PKIB: variants seen among roughly 807,000 people sequenced by gnomAD.
PKIB encodes cAMP-dependent protein kinase inhibitor beta.
A neutral mutation model predicts 4.5 loss-of-function variants in PKIB; 2 were observed. That is an observed-to-expected ratio of 0.44 (90% confidence interval 0.18 to 1.39). PKIB has a LOEUF of 1.39. PKIB is among the 40% of genes most tolerant of loss of function. The pLI, the probability that PKIB is intolerant of heterozygous loss-of-function variation, is 0.27. For synonymous variants in PKIB, 38 were observed against 36.0 expected (o/e 1.06, Z -0.20); for missense variants, 94 against 92.6 (o/e 1.02, Z -0.06).
intron 2 of PKIB, among the ~76,000 whole-genome samples, chr6:122,575,113 G>A (rs1254959210): frequency 6.6e-6 from 1 of 152,078 alleles, no homozygotes; most frequent in African/African-American, 2.4e-5. Flanking sequence ...TTTTTCAAAC[G>A]AAGATACACA....
intron 3 of PKIB, among the ~76,000 whole-genome samples, chr6:122,693,464 A>G (rs1337443923): frequency 1.3e-5 from 2 of 152,266 alleles, no homozygotes; most frequent in Non-Finnish European, 2.9e-5. Context: ...AGCATCCTTA[A>G]TCAAATGTCA....
At chr6:122,572,114 A>G (rs1773383798) in intron 2 of PKIB, among the ~76,000 whole-genome samples, 1 of 152,180 alleles carries the variant, frequency 6.6e-6, no homozygotes, top group South Asian at 2.1e-4. Context: ...TATTCCACTC[A>G]AATGGAAACT....
chr6:122,586,056 G>T (rs1383072137), intron 3 of PKIB: 1 of 152,082 alleles, frequency 6.6e-6, no homozygotes, highest in African/African-American at 2.4e-5. Context: ...TATGTGCCTA[G>T]CAGCTAATAG....
At chr6:122,698,782 T>A (rs1176771852) in intron 3 of PKIB, among the ~76,000 whole-genome samples, 1 of 152,110 alleles carries the variant, frequency 6.6e-6, no homozygotes, top group African/African-American at 2.4e-5. Flanking sequence ...TGCAAAAGAA[T>A]ATGTTGTCTC....
chr6:122,718,085 C>A, intron 4 of PKIB, 122 bp downstream of exon 4: 7 of 1,000,166 alleles, frequency 7.0e-6, no homozygotes, highest in Non-Finnish European at 1.0e-5. Context: ...TTTACTTAAA[C>A]CTCTCAGCTT....
chr6:122,607,607 C>T (rs1396425716), upstream of PKIB, among the ~76,000 whole-genome samples: 1 of 152,194 alleles, frequency 6.6e-6, no homozygotes, highest in Non-Finnish European at 1.5e-5. Context: ...ACTACTCTGA[C>T]CTTGGAGAAT....
At position 122,525,534 on chromosome 6, in the gene PKIB, C is replaced by G. The variant is rs181822668; in HGVS notation, c.-248+47595C>G. On this transcript the variant is annotated intron_variant, in intron 2 of 6. Transcript: ENST00000392491. ...CTTGGAGATATTGTGGGTTCAATCA[C>G]AGACCACAAGATCACAACGAAGCAA... is the stretch of plus-strand genomic sequence containing the variant. 5.3e-3 allele frequency among the ~76,000 whole-genome samples: 810 copies of G among 152,266 alleles called. 7 individuals carry two copies. Among genetic ancestry groups the G allele is most frequent in the African/African-American group, 0.018 (760 of 41,546 alleles).
intron 3 of PKIB, among the ~76,000 whole-genome samples, chr6:122,696,988 C>G (rs543592529): frequency 1.2e-4 from 18 of 152,248 alleles, no homozygotes; most frequent in African/African-American, 4.3e-4. Flanking sequence ...GAGATGAGAC[C>G]AACAGCAAGT....
chr6:122,601,025 A>G (rs1774347423), intron 3 of PKIB, among the ~76,000 whole-genome samples: 1 of 152,036 alleles, frequency 6.6e-6, no homozygotes, highest in South Asian at 2.1e-4. Flanking sequence ...TAATGAATGC[A>G]TTGTATAAAC....
intron 3 of PKIB, among the ~76,000 whole-genome samples, chr6:122,698,492 A>G (rs1387264950): frequency 2.0e-5 from 3 of 152,186 alleles, no homozygotes; most frequent in African/African-American, 7.2e-5. Context: ...TATTTCCAGA[A>G]AAGCCCAGTG....
chr6:122,496,301 T>C (rs536516990), intron 2 of PKIB, among the ~76,000 whole-genome samples: 34 of 152,234 alleles, frequency 2.2e-4, no homozygotes, highest in African/African-American at 8.2e-4. Context: ...TTGAAAGAAC[T>C]AGTATAAGAA....
At chr6:122,712,301 C>T (rs1207367374) in intron 3 of PKIB, among the ~76,000 whole-genome samples, 2 of 152,090 alleles carry the variant, frequency 1.3e-5, no homozygotes, top group African/African-American at 4.8e-5. Context: ...AGTAGGAGCT[C>T]AAGAGATGAC....
intron 2 of PKIB, among the ~76,000 whole-genome samples, chr6:122,668,329 T>G (rs567626067): frequency 6.6e-6 from 1 of 152,280 alleles, no homozygotes; most frequent in East Asian, 1.9e-4. Flanking sequence ...CCGTGGATAA[T>G]GCAGTCACTA....
chr6:122,533,092 C>G (rs1018219191), intron 2 of PKIB, among the ~76,000 whole-genome samples: 1 of 152,006 alleles, frequency 6.6e-6, no homozygotes, highest in African/African-American at 2.4e-5. Flanking sequence ...AATATATGAT[C>G]TCCTGCAGGC....
At chr6:122,574,543 G>A (rs1773471591) in intron 2 of PKIB, among the ~76,000 whole-genome samples, 1 of 152,080 alleles carries the variant, frequency 6.6e-6, no homozygotes, top group Non-Finnish European at 1.5e-5. Flanking sequence ...AAACAACATG[G>A]CACTGGTATA....
intron 3 of PKIB, among the ~76,000 whole-genome samples, chr6:122,690,348 A>C (rs1406923199): frequency 6.6e-6 from 1 of 151,776 alleles, no homozygotes; most frequent in Non-Finnish European, 1.5e-5. Flanking sequence ...CCTTTTAGTG[A>C]AGATGATTTT....
chr6:122,484,804 G>GA (rs1245617267), intron 2 of PKIB, among the ~76,000 whole-genome samples: 5 of 152,296 alleles, frequency 3.3e-5, no homozygotes, highest in African/African-American at 9.6e-5. Flanking sequence ...GGTCTGAGAA[G>GA]GACTCCGTAC....
intron 2 of PKIB, among the ~76,000 whole-genome samples, chr6:122,561,974 GT>G (rs200553259): frequency 2.0e-3 from 96 of 48,358 alleles, no homozygotes; most frequent in African/African-American, 5.8e-3. Flanking sequence ...TGCCTGCATA[GT>G]TTTTTTTTGT....
At chr6:122,585,986 A>G (rs1423742109) in exon 3 of PKIB, 1 of 152,148 alleles carries the variant, frequency 6.6e-6, no homozygotes, top group Non-Finnish European at 1.5e-5. Context: ...GAGAACTTGG[A>G]CATACATACT....
Sources: allele counts gnomAD v4.1 joint callset (sites outside exome capture counted in the v4.1 genomes callset), GRCh38; gene constraint gnomAD v4.1.1; transcripts MANE v1.5; gene names NCBI Gene and HGNC (gene_info 2026-07-23, HGNC 2026-07-21).